Variants in ZNF90 observed in about 807,000 individuals in gnomAD.
ZNF90 encodes the protein zinc finger protein HTF9.
In ZNF90, 11 loss-of-function variants were observed where a neutral mutation model predicts 12.0. That is an observed-to-expected ratio of 0.92 (90% CI 0.58 to 1.52). ZNF90 has a LOEUF of 1.52. Ranked by LOEUF, ZNF90 falls within the 40% of genes most tolerant of loss-of-function variation. The probability of loss-of-function intolerance (pLI) is 0.00; values close to 1 mark genes in which losing one functional copy is unlikely to be tolerated. For missense variants in ZNF90, 765 were observed against 711.5 expected (o/e 1.08, Z -0.86); for synonymous variants, 232 against 240.1 (o/e 0.97, Z 0.31).
chr19:20,093,241 C>T (rs889377047), intron 1 of ZNF90, among the ~76,000 whole-genome samples: 5 of 152,116 alleles, frequency 3.3e-5, no homozygotes, highest in East Asian at 1.9e-4. Context: ...AAGACTTATC[C>T]GGTTTTTGGA....
chr19:20,113,745 G>C (rs781978431), intron 3 of ZNF90, among the ~76,000 whole-genome samples: 5 of 151,844 alleles, frequency 3.3e-5, no homozygotes, highest in Non-Finnish European at 1.5e-5. Flanking sequence ...GGAGAATGGA[G>C]TGAACCCGGG....
At chr19:20,093,071 G>A (rs1363388517) in intron 1 of ZNF90, among the ~76,000 whole-genome samples, 1 of 152,226 alleles carries the variant, frequency 6.6e-6, no homozygotes, top group African/African-American at 2.4e-5. Context: ...CTGGGACGAG[G>A]GGTGCAGGGG....
rs782287049 is a variant in ZNF90, at chr19:20,119,160, C to G, written c.1606C>G (p.Pro536Ala). 1 of 1,612,986 alleles carries G rather than the reference C, an allele frequency of 6.2e-7. No individual in the cohort carries two copies. The highest frequency in any genetic ancestry group is 8.5e-7 in the Non-Finnish European group (1 of 1,179,378). Reference sequence around the variant, plus strand: ...TAAGATAATTCATACTGGAGCGAAACCCTACAAATGTGAAGAATGTGGCAA... The same window carrying G: ...TAAGATAATTCATACTGGAGCGAAAGCCTACAAATGTGAAGAATGTGGCAA... ...KHKIIHTGAK[P>A]YKCEECGKAF... The change falls in exon 4 of 4, where the codon CCC (proline) becomes GCC (alanine). Residue 536 changes from proline to alanine, a missense_variant. Physicochemically the swap from Pro to Ala is conservative, Grantham distance 27. Transcript: ENST00000418063.
chr19:20,115,417 GTT>G (rs34059055), intron 3 of ZNF90, among the ~76,000 whole-genome samples: 2 of 134,016 alleles, frequency 1.5e-5, no homozygotes, highest in South Asian at 2.4e-4. Flanking sequence ...TTTCCTTTCT[GTT>G]TTTTTTTTTT....
Position 20,105,330 on chromosome 19 carries a change from A to G in ZNF90, c.226+14A>G. 6.3e-7 allele frequency: 1 copy of G among 1,595,078 alleles called. No individual in the cohort carries two copies. Among genetic ancestry groups the G allele is most frequent in the Non-Finnish European group, 8.6e-7 (1 of 1,169,258 alleles). ...CCAAATCCCCAGGTAGGTGCGAGTG[A>G]AAATGAATACAACAGACAACACAGA... On this transcript the variant is annotated intron_variant, in intron 3 of 3. Coordinates refer to ENST00000418063, the MANE Select transcript of ZNF90 (RefSeq NM_007138.2).
chr19:20,119,225 A>G lies in ZNF90; in HGVS notation c.1671A>G (p.Ile557Met). ...KRSSQLTSHK[I>M]SHTGEKPYKC... ...CCTCACAGCTTACTAGTCATAAGATAAGTCATACTGGAGAGAAACCCTACA... is the reference window on the plus strand; with the variant it reads ...CCTCACAGCTTACTAGTCATAAGATGAGTCATACTGGAGAGAAACCCTACA... The change falls in exon 4 of 4, where the codon ATA becomes ATG. Residue 557 changes from isoleucine (I) to methionine (M), a missense_variant. Ile to Met is a conservative substitution (Grantham distance 10). Coordinates refer to ENST00000418063, the MANE Select transcript of ZNF90 (RefSeq NM_007138.2). 1 of 1,613,854 alleles carries G rather than the reference A, an allele frequency of 6.2e-7. No homozygotes were observed. The highest frequency in any genetic ancestry group is 8.5e-7 in the Non-Finnish European group (1 of 1,179,920).
At chr19:20,091,052 C>A (rs868978949) in intron 1 of ZNF90, among the ~76,000 whole-genome samples, 1 of 152,224 alleles carries the variant, frequency 6.6e-6, no homozygotes, top group East Asian at 1.9e-4. Context: ...AAGGCCAAAC[C>A]GAGGAATTAT....
intron 1 of ZNF90, among the ~76,000 whole-genome samples, chr19:20,079,276 T>C (rs2088802491): frequency 6.6e-6 from 1 of 151,058 alleles, no homozygotes; most frequent in South Asian, 2.1e-4. Context: ...GATTCCGAGC[T>C]AAGGCTAATA....
chr19:20,115,416 T>TA, intron 3 of ZNF90, among the ~76,000 whole-genome samples: 1 of 131,934 alleles, frequency 7.6e-6, no homozygotes, highest in South Asian at 2.3e-4. Flanking sequence ...TTTTCCTTTC[T>TA]GTTTTTTTTT....
intron 1 of ZNF90, among the ~76,000 whole-genome samples, chr19:20,087,907 G>A (rs558499344): frequency 6.6e-6 from 1 of 152,094 alleles, no homozygotes; most frequent in African/African-American, 2.4e-5. Context: ...CTCAGTGGGG[G>A]TGCTTTTTGA....
At position 20,101,177 on chromosome 19, in the gene ZNF90, C is replaced by T. The variant is rs549078394; in HGVS notation, c.4-3062C>T. 3.3e-4 allele frequency among the ~76,000 whole-genome samples: 51 copies of T among 152,316 alleles called. No individual in the cohort carries two copies. The South Asian group carries it at 7.0e-3, about 21-fold the overall frequency. On this transcript the variant is annotated intron_variant, in intron 1 of 3. Transcript: ENST00000418063. The stretch of plus-strand genomic sequence containing the variant: ...GTCCGCTGTGCTCCTTTGCCACTCC[C>T]GATTAGGCTAAAGGCTCGCCATTGT...
At chr19:20,098,602 G>T (rs958255368) in intron 1 of ZNF90, among the ~76,000 whole-genome samples, 1 of 152,190 alleles carries the variant, frequency 6.6e-6, no homozygotes, top group Admixed American at 6.5e-5. Context: ...GGAGATCCAG[G>T]TTCTGGAGCT....
chr19:20,090,124 T>A (rs1003523168), intron 1 of ZNF90, among the ~76,000 whole-genome samples: 2 of 152,072 alleles, frequency 1.3e-5, no homozygotes, highest in Non-Finnish European at 2.9e-5. Flanking sequence ...TGTAATGGCT[T>A]GAAGAAACAG....
At chr19:20,088,525 G>A (rs534756133) in intron 1 of ZNF90, among the ~76,000 whole-genome samples, 46 of 152,300 alleles carry the variant, frequency 3.0e-4, no homozygotes, top group East Asian at 5.8e-4. Context: ...GGGGTTCAGC[G>A]TAATTACTTG....
At chr19:20,109,331 A>G (rs1272700019) in intron 3 of ZNF90, among the ~76,000 whole-genome samples, 2 of 152,072 alleles carry the variant, frequency 1.3e-5, no homozygotes, top group Non-Finnish European at 2.9e-5. Context: ...AATTTTAGAT[A>G]TTTTTTCTTA....
intron 1 of ZNF90, among the ~76,000 whole-genome samples, chr19:20,084,330 T>A (rs2088843183): frequency 1.3e-5 from 2 of 152,208 alleles, no homozygotes; most frequent in South Asian, 4.1e-4. Flanking sequence ...GTGCTGGGAT[T>A]ACAGGCATGA....
intron 1 of ZNF90, among the ~76,000 whole-genome samples, chr19:20,098,451 T>C (rs2088965237): frequency 6.6e-6 from 1 of 152,224 alleles, no homozygotes; most frequent in Admixed American, 6.5e-5. Flanking sequence ...TCTGTAAATG[T>C]AAATAAGCAT....
At chr19:20,110,876 C>T (rs1448226350) in intron 3 of ZNF90, among the ~76,000 whole-genome samples, 1 of 151,934 alleles carries the variant, frequency 6.6e-6, no homozygotes, top group Non-Finnish European at 1.5e-5. Context: ...AAGTTATTCA[C>T]CTTTATTGTT....
chr19:20,097,849 C>A (rs1476513423), intron 1 of ZNF90, among the ~76,000 whole-genome samples: 1 of 152,208 alleles, frequency 6.6e-6, no homozygotes, highest in Admixed American at 6.5e-5. Flanking sequence ...CCACATTGGA[C>A]ACTATATCCC....
Sources: gnomAD v4.1 joint callset for allele counts (sites outside exome capture counted in the v4.1 genomes callset) on GRCh38, gnomAD v4.1.1 for gene constraint, MANE v1.5 for transcripts, NCBI Gene and HGNC (gene_info 2026-07-23, HGNC 2026-07-21) for gene names.